The following THADA variants were observed in gnomAD, a reference collection of about 807,000 sequenced individuals.
THADA encodes the protein tRNA (32-2'-O)-methyltransferase regulator THADA.
Under a neutral mutation model 219.8 loss-of-function variants are expected in THADA, and 213 were observed. That is an observed-to-expected ratio of 0.97 (90% CI 0.87 to 1.09). The LOEUF is 1.09. THADA is among the 50% of genes least tolerant of loss of function. THADA has a pLI of 0.00. For synonymous variants in THADA, 1,018 were observed against 828.9 expected, an observed-to-expected ratio of 1.23 and a Z score of -3.92; for missense variants, 2,956 against 2,311.3, an observed-to-expected ratio of 1.28 and a Z score of -5.72.
At chr2:43,233,554 G>A (rs1319345806) in intron 36 of THADA, among the ~76,000 whole-genome samples, 4 of 152,258 alleles carry the variant, frequency 2.6e-5, no homozygotes, top group Non-Finnish European at 5.9e-5. Flanking sequence ...GCAGGTGGTA[G>A]GCTGCATTTG....
intron 25 of THADA, among the ~76,000 whole-genome samples, chr2:43,491,490 C>T (rs990663654): frequency 6.6e-6 from 1 of 152,138 alleles, no homozygotes; most frequent in Admixed American, 6.5e-5. Context: ...CTGTGGTCAA[C>T]AATGGACCAC....
At chr2:43,420,136 C>G (rs1002930356) in intron 28 of THADA, among the ~76,000 whole-genome samples, 11 of 152,310 alleles carry the variant, frequency 7.2e-5, no homozygotes, top group African/African-American at 2.2e-4. Flanking sequence ...CCTGAGATGG[C>G]AGACTGAACT....
chr2:43,520,383 A>G (rs193275702), intron 22 of THADA, among the ~76,000 whole-genome samples: 3 of 152,270 alleles, frequency 2.0e-5, no homozygotes, highest in African/African-American at 7.2e-5. Context: ...AGTAACACAA[A>G]ATGTTATTAA....
At chr2:43,590,370 T>G (rs1431514200) in intron 4 of THADA, among the ~76,000 whole-genome samples, 1 of 152,116 alleles carries the variant, frequency 6.6e-6, no homozygotes, top group Non-Finnish European at 1.5e-5. Flanking sequence ...AAGAAGGCTT[T>G]TTATACTTTT....
At chr2:43,339,468 T>C (rs1374808763) in intron 30 of THADA, among the ~76,000 whole-genome samples, 7 of 152,074 alleles carry the variant, frequency 4.6e-5, no homozygotes, top group Non-Finnish European at 7.4e-5. Context: ...TTAGTAGAGA[T>C]TGGGTTTCAC....
At chr2:43,319,374 A>G (rs1301072423) in intron 31 of THADA, among the ~76,000 whole-genome samples, 1 of 152,190 alleles carries the variant, frequency 6.6e-6, no homozygotes, top group Non-Finnish European at 1.5e-5. Flanking sequence ...TACACTACAA[A>G]GAGGATACAA....
chr2:43,246,200 T>C (rs533826147), intron 36 of THADA, among the ~76,000 whole-genome samples: 3 of 152,150 alleles, frequency 2.0e-5, no homozygotes, highest in African/African-American at 7.2e-5. Context: ...CCCAGTCTTA[T>C]ACAGAATCCA....
chr2:43,580,773 G>A (rs939331454), intron 8 of THADA, among the ~76,000 whole-genome samples: 4 of 151,868 alleles, frequency 2.6e-5, no homozygotes, highest in Admixed American at 6.6e-5. Context: ...CCAGCTACTC[G>A]GGAGGCTGAG....
rs534038037 is a variant in THADA, at chr2:43,543,413, T to C, written c.3107-2097A>G. ...CCAGTAATGGGATGGCTGGCTCAAA[T>C]GGTATTTCTAGTTCTAGATCCCTGA... On this transcript the variant is annotated intron_variant, in intron 20 of 37. Coordinates refer to ENST00000405975, the MANE Select transcript of THADA (RefSeq NM_022065.5). 5.9e-5 allele frequency among the ~76,000 whole-genome samples: 9 copies of C among 151,396 alleles called. No homozygotes were observed. The South Asian group carries it at 1.7e-3, about 28-fold the overall frequency.
Position 43,230,983 on chromosome 2 carries a change from G to T in THADA, c.5827C>A (p.Gln1943Lys), listed in dbSNP as rs371002579. 19 of 1,613,100 alleles carry T rather than the reference G, an allele frequency of 1.2e-5. No homozygotes were observed. The highest frequency in any genetic ancestry group is 2.7e-5 in the African/African-American group (2 of 74,880). Residue 1943 changes from glutamine (Q) to lysine (K), a missense_variant, in exon 38 of 38, where the codon CAG (glutamine) becomes AAG (lysine). Transcript: ENST00000405975. ...SVWDSYAESR[Q>K]LTLPRTEAAC ...GCTTCTGTTCTTGGAAGAGTTAACT[G>T]CCTCGATTCTGCATAAGAGTCCCAA...
intron 24 of THADA, 91 bp downstream of exon 24, chr2:43,505,531 G>C (rs1452151638): frequency 9.5e-6 from 9 of 945,178 alleles, no homozygotes; most frequent in South Asian, 1.7e-5. Flanking sequence ...TCCAGCCTGG[G>C]TAACAAGACG....
intron 20 of THADA, among the ~76,000 whole-genome samples, chr2:43,541,735 T>A (rs1328378460): frequency 6.6e-6 from 1 of 152,090 alleles, no homozygotes; most frequent in Non-Finnish European, 1.5e-5. Flanking sequence ...CTAAAGCAAT[T>A]CTCTCGCTTG....
intron 31 of THADA, among the ~76,000 whole-genome samples, chr2:43,302,711 A>C (rs1676407466): frequency 1.3e-5 from 2 of 152,232 alleles, no homozygotes; most frequent in South Asian, 4.1e-4. Flanking sequence ...AAAAGGGAAA[A>C]AATCATAGTG....
intron 16 of THADA, among the ~76,000 whole-genome samples, chr2:43,559,697 T>C (rs1242834439): frequency 6.6e-6 from 1 of 152,142 alleles, no homozygotes; most frequent in Non-Finnish European, 1.5e-5. Flanking sequence ...TCAGGAAGAA[T>C]GGAGGGGCTG....
At chr2:43,285,985 A>G (rs1673956603) in intron 35 of THADA, among the ~76,000 whole-genome samples, 1 of 152,142 alleles carries the variant, frequency 6.6e-6, no homozygotes, top group African/African-American at 2.4e-5. Context: ...TTTCCTCTAT[A>G]TCAACCTCAA....
Position 43,566,802 on chromosome 2 carries a change from C to G in THADA, c.2207G>C (p.Cys736Ser). The part of the protein sequence containing the change: ...QQYKNFMSSI[C>S]NSLFEALFPG... ...AAACAATGCTTCAAAAAGACTGTTA[C>G]AAATGGATGACATGAAATTCTTAAA... Residue 736 changes from cysteine to serine, a missense_variant, in exon 15 of 38, where the codon TGT (cysteine) becomes TCT (serine). Transcript: ENST00000405975. 2 of 1,387,046 alleles carry G rather than the reference C, an allele frequency of 1.4e-6. No individual in the cohort carries two copies. The highest frequency in any genetic ancestry group is 1.9e-6 in the Non-Finnish European group (2 of 1,054,314). 85.9% of individuals were successfully genotyped at this position (1,387,046 alleles called of 1,614,324 possible).
chr2:43,594,024 G>A (rs562313088), intron 1 of THADA, among the ~76,000 whole-genome samples: 9 of 152,176 alleles, frequency 5.9e-5, no homozygotes, highest in African/African-American at 1.7e-4. Context: ...AAGCTCTATG[G>A]TCCCACTAAG....
intron 26 of THADA, among the ~76,000 whole-genome samples, chr2:43,449,371 GAA>G (rs1682013074): frequency 6.6e-6 from 1 of 152,100 alleles, no homozygotes; most frequent in Non-Finnish European, 1.5e-5. Flanking sequence ...TCTAGAAGGA[GAA>G]GAGAGAGAGA....
At chr2:43,535,236 T>C (rs1694413188) in intron 21 of THADA, among the ~76,000 whole-genome samples, 1 of 143,184 alleles carries the variant, frequency 7.0e-6, no homozygotes, top group Non-Finnish European at 1.5e-5. Flanking sequence ...TGGACATTAA[T>C]CCTGTCAGAT....
Sources: gnomAD v4.1 joint callset for allele counts (sites outside exome capture counted in the v4.1 genomes callset) on GRCh38, gnomAD v4.1.1 for gene constraint, MANE v1.5 for transcripts, NCBI Gene and HGNC (gene_info 2026-07-23, HGNC 2026-07-21) for gene names.